Variants in SIPA1L1 observed in about 807,000 individuals in gnomAD.
SIPA1L1 encodes the protein signal induced proliferation associated 1 like 1.
A neutral mutation model predicts 162.7 loss-of-function variants in SIPA1L1; 26 were observed. The observed-to-expected ratio is 0.16, with a 90% CI of 0.12 to 0.22. The LOEUF is 0.22. SIPA1L1 is among the 10% of genes least tolerant of loss of function. SIPA1L1 has a pLI of 1.00. For synonymous variants in SIPA1L1, 829 were observed against 837.4 expected, an observed-to-expected ratio of 0.99 and a Z score of 0.17; for missense variants, 1,874 against 2,241.0, an observed-to-expected ratio of 0.84 and a Z score of 3.31.
intron 2 of SIPA1L1, among the ~76,000 whole-genome samples, chr14:71,428,162 T>C (rs912033409): frequency 3.3e-5 from 5 of 151,792 alleles, no homozygotes; most frequent in African/African-American, 1.2e-4. Context: ...CTGCTAATTT[T>C]TGTATTTTTA....
intron 18 of SIPA1L1, 144 bp from the exon 19 acceptor site, chr14:71,724,526 C>A: frequency 1.7e-6 from 1 of 578,160 alleles, no homozygotes; most frequent in Non-Finnish European, 2.9e-6. Context: ...TGAGTAGATT[C>A]GCATATAAAC....
intron 10 of SIPA1L1, among the ~76,000 whole-genome samples, chr14:71,667,057 A>T (rs2044082062): frequency 6.6e-6 from 1 of 152,054 alleles, no homozygotes; most frequent in South Asian, 2.1e-4. Flanking sequence ...TGTGCTTAAA[A>T]GCATTTAGAG....
rs765768808 is a variant in SIPA1L1 at position 71,702,395 on chromosome 14, G to T, written c.3536G>T (p.Arg1179Leu). ...AATCACCACAGGTTTGGAGTGAGCCGTAGATCCCCAGCCTCCATTGACAGG... is the reference window on the plus strand; with the variant it reads ...AATCACCACAGGTTTGGAGTGAGCCTTAGATCCCCAGCCTCCATTGACAGG... ...KSMPEGFGVS[R>L]RSPASIDRQN... Residue 1179 changes from arginine (R) to leucine (L), a missense_variant, in exon 15 of 24, where the codon CGT (arginine) becomes CTT (leucine). Coordinates refer to ENST00000381232, the MANE Select transcript of SIPA1L1 (RefSeq NM_001386936.1). 6.2e-7 allele frequency: 1 copy of T among 1,614,062 alleles called. No homozygotes were observed.
Position 71,588,120 on chromosome 14 carries a change from G to T in SIPA1L1, c.248G>T (p.Trp83Leu). 1 of 1,614,124 alleles carries T rather than the reference G, an allele frequency of 6.2e-7. No homozygotes were observed. The highest frequency in any genetic ancestry group is 8.5e-7 in the Non-Finnish European group (1 of 1,180,000). The change falls in exon 5 of 24, where the codon TGG (tryptophan) becomes TTG (leucine). Residue 83 changes from tryptophan to leucine, a missense_variant. Physicochemically the swap from Trp to Leu is moderately conservative, Grantham distance 61. Coordinates refer to ENST00000381232, the MANE Select transcript of SIPA1L1 (RefSeq NM_001386936.1). This position sits in a 1 kb window ranked among gnomAD's most constrained non-coding sequence, Gnocchi z 4.3. ...GGGGTAAGGGCAAGGATTGCAGATT[G>T]GCCCCCAAGAAAGGAAAACATAAAA... ...KMGVRARIAD[W>L]PPRKENIKES...
At chr14:71,703,881 T>A (rs982597973) in intron 15 of SIPA1L1, among the ~76,000 whole-genome samples, 3 of 152,192 alleles carry the variant, frequency 2.0e-5, no homozygotes, top group African/African-American at 7.2e-5. Flanking sequence ...CTCCCTCTAG[T>A]CTTTTTTTCC....
At chr14:71,628,853 A>G (rs1475290563) in intron 7 of SIPA1L1, among the ~76,000 whole-genome samples, 2 of 152,228 alleles carry the variant, frequency 1.3e-5, no homozygotes, top group African/African-American at 2.4e-5. Flanking sequence ...GAGACTCGGA[A>G]GGACAGAAGC....
intron 14 of SIPA1L1, 42 bp downstream of exon 14, chr14:71,699,169 A>G (rs369563873): frequency 8.3e-5 from 133 of 1,595,286 alleles, no homozygotes; most frequent in Non-Finnish European, 1.1e-4. Context: ...CCCTGTTGGC[A>G]TCATTTCTTT....
chr14:71,704,870 C>T (rs1477005199), intron 15 of SIPA1L1: 2 of 856,220 alleles, frequency 2.3e-6, no homozygotes, highest in South Asian at 1.4e-5. Context: ...AGGTTAGCCA[C>T]ACTTGGCAAT....
intron 4 of SIPA1L1, among the ~76,000 whole-genome samples, chr14:71,550,122 G>T (rs8015298): frequency 6.6e-6 from 1 of 152,086 alleles, no homozygotes; most frequent in African/African-American, 2.4e-5. Context: ...GTGTTGGTGC[G>T]TGCACTTGTA....
chr14:71,332,975 CTA>C (rs1299226769), intron 2 of SIPA1L1, among the ~76,000 whole-genome samples: 52 of 152,136 alleles, frequency 3.4e-4, no homozygotes, highest in Non-Finnish European at 8.8e-5. Flanking sequence ...GTTTTTAACT[CTA>C]AAATATTTTA....
chr14:71,332,085 T>A (rs905773143), intron 2 of SIPA1L1, among the ~76,000 whole-genome samples: 4 of 152,234 alleles, frequency 2.6e-5, no homozygotes, highest in Admixed American at 2.6e-4. Context: ...TGTAGTATGC[T>A]TGTATGTAGT....
chr14:71,423,974 C>T (rs917296070), intron 2 of SIPA1L1, among the ~76,000 whole-genome samples: 1 of 152,050 alleles, frequency 6.6e-6, no homozygotes. Flanking sequence ...TAACTTCTTT[C>T]AGCAGTGTTT....
chr14:71,733,843 C>T (rs1390203877), intron 21 of SIPA1L1, 31 bp downstream of exon 21: 2 of 1,602,618 alleles, frequency 1.2e-6, no homozygotes, highest in Admixed American at 1.7e-5. Context: ...CAAGACAGCC[C>T]AGGATCCTGC....
chr14:71,336,947 A>G (rs1301551386), intron 2 of SIPA1L1, among the ~76,000 whole-genome samples: 1 of 151,730 alleles, frequency 6.6e-6, no homozygotes. Flanking sequence ...GTGGACCTTG[A>G]CCCCTGTATC....
Position 71,340,403 on chromosome 14 carries a change from A to C in SIPA1L1, c.-465+19222A>C, listed in dbSNP as rs149155815. Reference sequence around the variant, plus strand: ...GACCATAAATATCTTTTGCTGAACAACACCAGTGAATTCATTCTGTGTTAG... The same window carrying C: ...GACCATAAATATCTTTTGCTGAACACCACCAGTGAATTCATTCTGTGTTAG... On this transcript the variant is annotated intron_variant, in intron 2 of 23. Transcript: ENST00000381232. Among the ~76,000 whole-genome samples the C allele has an allele frequency of 7.9e-5, 12 of 152,170 alleles. No homozygotes were observed. In the East Asian group the frequency reaches 1.7e-3, roughly 22 times the overall value.
chr14:71,459,846 TATTAACC>T (rs1335060132), intron 2 of SIPA1L1, among the ~76,000 whole-genome samples: 1 of 152,206 alleles, frequency 6.6e-6, no homozygotes, highest in Non-Finnish European at 1.5e-5. Flanking sequence ...TGACCCTTAG[TATTAACC>T]ATTACAAGTC....
intron 4 of SIPA1L1, among the ~76,000 whole-genome samples, chr14:71,536,088 A>G (rs1156282681): frequency 6.6e-6 from 1 of 151,820 alleles, no homozygotes; most frequent in Non-Finnish European, 1.5e-5. Context: ...TTATTCCACT[A>G]ACATTCTCTC....
intron 4 of SIPA1L1, among the ~76,000 whole-genome samples, chr14:71,579,383 A>G (rs1037243983): frequency 2.0e-5 from 3 of 152,124 alleles, no homozygotes; most frequent in African/African-American, 7.2e-5. Flanking sequence ...AAAAAAATCT[A>G]CAGATAAGTG....
intron 17 of SIPA1L1, among the ~76,000 whole-genome samples, chr14:71,720,975 A>G (rs1467532719): frequency 2.0e-5 from 3 of 152,096 alleles, no homozygotes; most frequent in Non-Finnish European, 2.9e-5. Flanking sequence ...TGATGAGGTT[A>G]TGTCTTCCTG....
Sources: gnomAD v4.1 joint callset for allele counts (sites outside exome capture counted in the v4.1 genomes callset) on GRCh38, gnomAD v4.1.1 for gene constraint, Gnocchi (gnomAD v3.1) non-coding constraint, MANE v1.5 for transcripts, NCBI Gene and HGNC (gene_info 2026-07-23, HGNC 2026-07-21) for gene names.